The following ZC3H12B variants were observed in gnomAD, a reference collection of about 807,000 sequenced individuals.
ZC3H12B encodes zinc finger CCCH-type containing 12B.
In ZC3H12B, 7 loss-of-function variants were observed where a neutral mutation model predicts 43.9. The ratio of observed to expected loss-of-function variants is 0.16; its 90% CI spans 0.09 to 0.30. The LOEUF (loss-of-function observed/expected upper bound fraction) is 0.30. Ranked by LOEUF, ZC3H12B falls within the 10% of genes least tolerant of loss-of-function variation. ZC3H12B has a pLI of 1.00. For missense variants in ZC3H12B, 475 were observed against 670.2 expected, an observed-to-expected ratio of 0.71 and a Z score of 3.22; for synonymous variants, 222 against 241.7, an observed-to-expected ratio of 0.92 and a Z score of 0.76.
At chrX:65,442,600 A>C (rs1423737568) in intron 3 of ZC3H12B, among the ~76,000 whole-genome samples, 5 of 111,761 alleles carry the variant, frequency 4.5e-5, no homozygotes, top group Non-Finnish European at 3.8e-5. Flanking sequence ...TGGAAGCTTC[A>C]TCTGCCCACC....
intron 3 of ZC3H12B, among the ~76,000 whole-genome samples, chrX:65,421,542 C>T (rs1417049095): frequency 3.6e-5 from 4 of 112,387 alleles, no homozygotes; most frequent in Non-Finnish European, 5.6e-5. Flanking sequence ...AACAGATTTG[C>T]CTTCCCTACA....
the ZC3H12B span, among the ~76,000 whole-genome samples, chrX:65,124,418 A>G: frequency 8.2e-5 from 9 of 110,324 alleles, no homozygotes; most frequent in African/African-American, 2.0e-4. Context: ...TTCTGCATCT[A>G]TGTTTTTCAG....
chrX:65,181,002 A>G, the ZC3H12B span, among the ~76,000 whole-genome samples: 1 of 111,518 alleles, frequency 9.0e-6, no homozygotes, highest in African/African-American at 3.3e-5. Context: ...ACTTCAAACT[A>G]TACTACAAAC....
intron 2 of ZC3H12B, among the ~76,000 whole-genome samples, chrX:65,391,702 C>T (rs1290704853): frequency 9.0e-6 from 1 of 111,178 alleles, no homozygotes; most frequent in Non-Finnish European, 1.9e-5. Flanking sequence ...GCTGAAAAAG[C>T]ATTTGATAAA....
chrX:65,362,892 G>A (rs181800372), upstream of ZC3H12B, among the ~76,000 whole-genome samples: 202 of 111,134 alleles, frequency 1.8e-3, 6 homozygotes, highest in East Asian at 0.048. Flanking sequence ...GTGGTGCCAA[G>A]CCCATATACT....
At chrX:65,239,131 T>G in the ZC3H12B span, among the ~76,000 whole-genome samples, 1 of 111,788 alleles carries the variant, frequency 8.9e-6, no homozygotes, top group Non-Finnish European at 1.9e-5. Flanking sequence ...TGAATATCTT[T>G]GTTAATTTTC....
At chrX:65,097,028 T>C in the ZC3H12B span, among the ~76,000 whole-genome samples, 1 of 111,561 alleles carries the variant, frequency 9.0e-6, no homozygotes, top group Admixed American at 9.5e-5. Flanking sequence ...CCAACCCAGA[T>C]TTGGCAATCA....
chrX:65,386,598 C>T (rs948253114), intron 2 of ZC3H12B, among the ~76,000 whole-genome samples: 5 of 110,587 alleles, frequency 4.5e-5, no homozygotes, highest in Non-Finnish European at 1.9e-5. Flanking sequence ...AAAAACCAGC[C>T]CCTGGTTTCA....
chrX:65,192,076 A>T, the ZC3H12B span, among the ~76,000 whole-genome samples: 4 of 110,059 alleles, frequency 3.6e-5, no homozygotes, highest in Admixed American at 3.9e-4. Context: ...GTCATTGAGG[A>T]GCAGGTTGTT....
the ZC3H12B span, among the ~76,000 whole-genome samples, chrX:65,076,670 T>G: frequency 9.0e-6 from 1 of 110,503 alleles, no homozygotes; most frequent in Non-Finnish European, 1.9e-5. Context: ...TCACCTCTAA[T>G]CTAGTATTGA....
the ZC3H12B span, among the ~76,000 whole-genome samples, chrX:65,147,712 AC>A: frequency 1.9e-4 from 21 of 110,802 alleles, no homozygotes; most frequent in African/African-American, 6.9e-4. Flanking sequence ...ATGATCCTGG[AC>A]CCTGGATCTA....
the ZC3H12B span, among the ~76,000 whole-genome samples, chrX:65,038,782 G>A: frequency 2.7e-5 from 3 of 111,053 alleles, no homozygotes; most frequent in Admixed American, 2.9e-4. Flanking sequence ...TGAGTCTGGA[G>A]GTAGGACAGT....
At chrX:65,392,610 C>G (rs1418872312) in intron 2 of ZC3H12B, among the ~76,000 whole-genome samples, 2 of 109,536 alleles carry the variant, frequency 1.8e-5, no homozygotes, top group Admixed American at 9.5e-5. Flanking sequence ...CCCCGCCCAG[C>G]AGCCGCCCCG....
At chrX:65,334,416 C>T in the ZC3H12B span, among the ~76,000 whole-genome samples, 1 of 112,004 alleles carries the variant, frequency 8.9e-6, no homozygotes, top group South Asian at 3.7e-4. Flanking sequence ...ATCTACATTC[C>T]CATACCTTCT....
At chrX:65,096,261 C>A in the ZC3H12B span, among the ~76,000 whole-genome samples, 1 of 109,897 alleles carries the variant, frequency 9.1e-6, no homozygotes, top group Non-Finnish European at 1.9e-5. Context: ...ATAGCTAATG[C>A]ATGCTGGGCT....
chrX:65,154,664 T>C, the ZC3H12B span, among the ~76,000 whole-genome samples: 1 of 111,166 alleles, frequency 9.0e-6, no homozygotes, highest in Non-Finnish European at 1.9e-5. Flanking sequence ...GCCTGGGCAA[T>C]GATGTGAGAC....
chrX:65,219,953 G>T, the ZC3H12B span, among the ~76,000 whole-genome samples: 4 of 110,473 alleles, frequency 3.6e-5, no homozygotes, highest in African/African-American at 1.3e-4. Context: ...CAGTTGTGAG[G>T]CAAATGTGTC....
chrX:65,461,158 A>G (rs912724915), intron 3 of ZC3H12B, among the ~76,000 whole-genome samples: 2 of 112,393 alleles, frequency 1.8e-5, no homozygotes, highest in Non-Finnish European at 3.8e-5. Context: ...ACAGTGAGAT[A>G]CCATCTCACA....
At chrX:65,046,411 G>A in the ZC3H12B span, among the ~76,000 whole-genome samples, 196 of 111,786 alleles carry the variant, frequency 1.8e-3, 1 homozygote, top group African/African-American at 6.1e-3. Context: ...TTATATTATG[G>A]TTGCAGCTTC....
Sources: allele counts gnomAD v4.1 joint callset (sites outside exome capture counted in the v4.1 genomes callset), GRCh38; gene constraint gnomAD v4.1.1; transcripts MANE v1.5; gene names NCBI Gene and HGNC (gene_info 2026-07-23, HGNC 2026-07-21).